The following GDF5 variants were observed in gnomAD, a reference collection of about 807,000 sequenced individuals.
GDF5 encodes growth differentiation factor 5.
In GDF5, 17 loss-of-function variants were observed where a neutral mutation model predicts 34.6. That is an observed-to-expected ratio of 0.49 (90% CI 0.34 to 0.74). The LOEUF is 0.74. Ranked by LOEUF, GDF5 falls within the 30% of genes least tolerant of loss-of-function variation. GDF5 has a pLI of 0.01. For missense variants in GDF5, 616 were observed against 661.2 expected (o/e 0.93, Z 0.75); for synonymous variants, 332 against 290.7 (o/e 1.14, Z -1.44).
Position 35,434,224 on chromosome 20 carries a change from C to T in GDF5, c.1191G>A (p.Lys397=). 1 of 1,614,224 alleles carries T rather than the reference C, an allele frequency of 6.2e-7. No individual in the cohort carries two copies. ...GCAGTGCCTTCCGACTGCAGCGAGC[C>T]TTAAGGTTCTTGCTGGGTCGCTTGC... ...RQGKRPSKNL[K]ARCSRKALHV... The change falls in exon 2 of 2, where the codon AAG becomes AAA. Residue 397 remains lysine (K), a synonymous_variant. Coordinates refer to ENST00000374369, the MANE Select transcript of GDF5 (RefSeq NM_000557.5).
intron 1 of GDF5, 41 bp downstream of exon 1, chr20:35,437,257 C>T: frequency 7.3e-7 from 1 of 1,361,454 alleles, no homozygotes; most frequent in Non-Finnish European, 1.0e-6. Context: ...ATGCAGATGC[C>T]CCTCCCTCTG....
At chr20:35,435,655 C>A (rs182714069) in intron 1 of GDF5, among the ~76,000 whole-genome samples, 2 of 152,052 alleles carry the variant, frequency 1.3e-5, no homozygotes, top group East Asian at 3.9e-4. Flanking sequence ...GGTCACACAG[C>A]AAGTTAATGA....
At chr20:35,441,705 G>A (rs1028076715), upstream of GDF5, among the ~76,000 whole-genome samples, 1 of 151,496 alleles carries the variant, frequency 6.6e-6, no homozygotes, top group Non-Finnish European at 1.5e-5. Context: ...TGCCTGCCTC[G>A]GCCTCCCAAA....
chr20:35,434,152 G>A lies in GDF5; in HGVS notation c.1263C>T (p.Pro421=). 2 of 1,614,206 alleles carry A rather than the reference G, an allele frequency of 1.2e-6. No homozygotes were observed. Among genetic ancestry groups the A allele is most frequent in the East Asian group, 2.2e-5 (1 of 44,886 alleles). ...DMGWDDWIIA[P]LEYEAFHCEG... is the part of the protein sequence containing the mutation. ...CGCAGTGGAAAGCCTCGTACTCAAG[G>A]GGTGCGATGATCCAGTCGTCCCAGC... Residue 421 remains proline, a synonymous_variant, in exon 2 of 2, where the codon CCC becomes CCT. Coordinates refer to ENST00000374369, the MANE Select transcript of GDF5 (RefSeq NM_000557.5).
At chr20:35,446,750 A>AC (rs2062515313) in intron 1 of GDF5, among the ~76,000 whole-genome samples, 2 of 152,302 alleles carry the variant, frequency 1.3e-5, no homozygotes, top group South Asian at 4.1e-4. Flanking sequence ...ACCGAGCTAG[A>AC]ATTCAACCCA....
At chr20:35,444,914 G>A (rs2146588583) in intron 1 of GDF5, among the ~76,000 whole-genome samples, 1 of 152,018 alleles carries the variant, frequency 6.6e-6, no homozygotes, top group East Asian at 1.9e-4. Flanking sequence ...TTTTTAGTAG[G>A]GATGGGGTTT....
Position 35,434,049 on chromosome 20 carries a change from T to C in GDF5, c.1366A>G (p.Met456Val). Residue 456 changes from methionine to valine, a missense_variant, in exon 2 of 2, where the codon ATG becomes GTG. Transcript: ENST00000374369. ...GTGGGTGGTGTGGACTCGGGGTCCA[T>C]GGAGTTCATCAGGGTCTGGATGACT... Reference protein sequence around the residue: ...HAVIQTLMNSMDPESTPPTCC... With the variant: ...HAVIQTLMNSVDPESTPPTCC... The C allele has an allele frequency of 1.9e-6, 3 of 1,613,028 alleles. No homozygotes were observed. The highest frequency in any genetic ancestry group is 2.5e-6 in the Non-Finnish European group (3 of 1,179,584).
chr20:35,434,746 C>G lies in GDF5; in HGVS notation c.669G>C (p.Val223=). Residue 223 remains valine (V), a synonymous_variant, in exon 2 of 2, where the codon GTG becomes GTC. Coordinates refer to ENST00000374369, the MANE Select transcript of GDF5 (RefSeq NM_000557.5). ...CCTTCTCCAGGGCACTAATGTCAAA[C>G]ACGTACCTCTGCTTCCTGACCACGG... ...RGPVVRKQRY[V]FDISALEKDG... 1 of 1,611,358 alleles carries G rather than the reference C, an allele frequency of 6.2e-7. No individual in the cohort carries two copies. Among genetic ancestry groups the G allele is most frequent in the Non-Finnish European group, 8.5e-7 (1 of 1,179,970 alleles).
chr20:35,437,631 T>TG lies in GDF5; in HGVS notation c.297dup (p.Arg100GlnfsTer6), dbSNP rs761962752. On this transcript the variant is annotated frameshift_variant, in exon 1 of 2. Coordinates refer to ENST00000374369, the MANE Select transcript of GDF5 (RefSeq NM_000557.5). LOFTEE classifies it high-confidence loss of function. ...GGCTTGGGTTCAGGGCCGCCCGGTC[T>TG]GGGGGGCAGCTTTTTGGGTTCATCC... is the stretch of plus-strand genomic sequence containing the variant. 1 of 1,614,056 alleles carries TG rather than the reference T, an allele frequency of 6.2e-7. No homozygotes were observed. The highest frequency in any genetic ancestry group is 1.1e-5 in the South Asian group (1 of 91,074).
intron 1 of GDF5, among the ~76,000 whole-genome samples, chr20:35,454,265 C>A (rs1032598356): frequency 6.6e-6 from 1 of 151,842 alleles, no homozygotes; most frequent in East Asian, 1.9e-4. Flanking sequence ...ACCATCCTGG[C>A]CAACATGGTG....
upstream of GDF5, among the ~76,000 whole-genome samples, chr20:35,441,764 T>A (rs961185031): frequency 6.6e-6 from 1 of 151,854 alleles, no homozygotes; most frequent in African/African-American, 2.4e-5. Flanking sequence ...ATAATAGCTA[T>A]TTTTTTTAAA....
intron 1 of GDF5, among the ~76,000 whole-genome samples, chr20:35,451,181 G>A (rs992591605): frequency 6.7e-6 from 1 of 150,246 alleles, no homozygotes; most frequent in Non-Finnish European, 1.5e-5. Context: ...TAGTCCAGAC[G>A]GCCTCTTGGC....
chr20:35,438,387 C>CACACACACAG (rs2062484865), upstream of GDF5: 1 of 189,698 alleles, frequency 5.3e-6, no homozygotes, highest in African/African-American at 2.4e-5. Flanking sequence ...CACACACACA[C>CACACACACAG]ACACTCACAG....
At chr20:35,450,302 TA>T (rs796096796) in intron 1 of GDF5, among the ~76,000 whole-genome samples, 418 of 125,842 alleles carry the variant, frequency 3.3e-3, no homozygotes, top group Middle Eastern at 8.1e-3. Flanking sequence ...TGAGACTCTG[TA>T]AAAAAAAAAA....
upstream of GDF5, among the ~76,000 whole-genome samples, chr20:35,442,743 A>G (rs1258404344): frequency 1.3e-5 from 2 of 151,118 alleles, no homozygotes; most frequent in African/African-American, 4.9e-5. Flanking sequence ...CGGGGGTTTC[A>G]CCATGTTGGC....
At chr20:35,436,031 T>C (rs74272527) in intron 1 of GDF5, among the ~76,000 whole-genome samples, 1 of 152,266 alleles carries the variant, frequency 6.6e-6, no homozygotes, top group East Asian at 1.9e-4. Context: ...TGATTCAGCA[T>C]GTGTGTATAA....
At chr20:35,442,149 CTTTT>C (rs886681768), upstream of GDF5, among the ~76,000 whole-genome samples, 1 of 151,868 alleles carries the variant, frequency 6.6e-6, no homozygotes, top group African/African-American at 2.4e-5. Flanking sequence ...CCGAAAGTAA[CTTTT>C]TTTATTTTTT....
intron 1 of GDF5, among the ~76,000 whole-genome samples, chr20:35,448,629 A>G (rs1039262002): frequency 6.6e-6 from 1 of 151,862 alleles, no homozygotes; most frequent in East Asian, 1.9e-4. Flanking sequence ...TTTTTAGTAG[A>G]GACAGGGTTT....
chr20:35,452,141 A>G (rs1372982156), intron 1 of GDF5, among the ~76,000 whole-genome samples: 1 of 151,898 alleles, frequency 6.6e-6, no homozygotes, highest in Non-Finnish European at 1.5e-5. Context: ...TCATCTCAAA[A>G]CCATTCCCAC....
Sources: allele counts gnomAD v4.1 joint callset (sites outside exome capture counted in the v4.1 genomes callset), GRCh38; gene constraint gnomAD v4.1.1; transcripts MANE v1.5; gene names NCBI Gene and HGNC (gene_info 2026-07-23, HGNC 2026-07-21).